Variants in TBX4 observed in about 807,000 individuals in gnomAD.
TBX4 encodes T-box transcription factor TBX4.
A neutral mutation model predicts 54.6 loss-of-function variants in TBX4; 13 were observed. The ratio of observed to expected loss-of-function variants is 0.24; its 90% CI spans 0.15 to 0.38. The LOEUF (loss-of-function observed/expected upper bound fraction) is 0.38. Ranked by LOEUF, TBX4 falls within the 10% of genes least tolerant of loss-of-function variation. TBX4 has a pLI of 1.00. For missense variants in TBX4, 631 were observed against 728.5 expected (o/e 0.87, Z 1.54); for synonymous variants, 314 against 306.7 (o/e 1.02, Z -0.25).
chr17:61,463,257 A>C (rs1701683161), intron 3 of TBX4: 1 of 152,410 alleles, frequency 6.6e-6, no homozygotes, highest in Admixed American at 6.5e-5. Flanking sequence ...AGGCCACAGC[A>C]GAGGGCTTTT....
chr17:61,467,114 A>G (rs529131710), intron 4 of TBX4, among the ~76,000 whole-genome samples: 21 of 152,200 alleles, frequency 1.4e-4, no homozygotes, highest in Non-Finnish European at 2.8e-4. Context: ...AGCTATGATC[A>G]TACCACTAGC....
chr17:61,479,732 C>T lies in TBX4; in HGVS notation c.703-149C>T. The T allele has an allele frequency of 1.2e-6, 1 of 827,578 alleles. No homozygotes were observed. Among genetic ancestry groups the T allele is most frequent in the Non-Finnish European group, 2.0e-6 (1 of 490,882 alleles). The allele number at this position is 827,578 out of a possible 1,614,324, so 51.3% of individuals were successfully genotyped here. A position where few individuals can be genotyped will look rare whatever the true frequency, so the allele number is the denominator to read the frequency against. On this transcript the variant is annotated intron_variant, in intron 6 of 8. Transcript: ENST00000644296. This position sits in a 1 kb window ranked among gnomAD's most constrained non-coding sequence, Gnocchi z 6.1. ...CAGAGGCCAGTCCAGTCCCACCCTCCTCCCCAAGGAGGGTAGTGAGAAGCG... is the reference window on the plus strand; with the variant it reads ...CAGAGGCCAGTCCAGTCCCACCCTCTTCCCCAAGGAGGGTAGTGAGAAGCG...
In TBX4 at chr17:61,478,923, C is replaced by A; in HGVS notation, c.702+144C>A. On this transcript the variant is annotated intron_variant, in intron 6 of 8. Transcript: ENST00000644296. This position sits in a 1 kb window ranked among gnomAD's most constrained non-coding sequence, Gnocchi z 7.4. ...GCAGGGACCTCAGAAGCCTAGAGTCCCTCGGAGCCGCGAGCAAATCGAATG... is the reference window on the plus strand; with the variant it reads ...GCAGGGACCTCAGAAGCCTAGAGTCACTCGGAGCCGCGAGCAAATCGAATG... The A allele has an allele frequency of 7.8e-7, 1 of 1,285,684 alleles. No homozygotes were observed. The highest frequency in any genetic ancestry group is 1.1e-6 in the Non-Finnish European group (1 of 897,774). 79.6% of individuals were successfully genotyped at this position (1,285,684 alleles called of 1,614,324 possible). A position where few individuals can be genotyped will look rare whatever the true frequency, so the allele number is the denominator to read the frequency against.
In TBX4 at chr17:61,466,005, G is replaced by A. The variant is rs977788221; in HGVS notation, c.401+67G>A. ...CCCACTTGCCACGCCCCCACCTAGT[G>A]TTTTGTCCGGGGGATTTCTTAGCTA... On this transcript the variant is annotated intron_variant, in intron 4 of 8. Transcript: ENST00000644296. 1.0e-5 allele frequency: 16 copies of A among 1,605,580 alleles called. No homozygotes were observed. In the South Asian group the frequency reaches 1.3e-4, roughly 13 times the overall value.
At chr17:61,471,122 A>G (rs988038482) in intron 5 of TBX4, among the ~76,000 whole-genome samples, 3 of 152,210 alleles carry the variant, frequency 2.0e-5, no homozygotes, top group Admixed American at 6.5e-5. Flanking sequence ...AGTAGCACGC[A>G]TTAGTCCCCT....
chr17:61,460,853 G>A lies in TBX4; in HGVS notation c.281+3222G>A, dbSNP rs576162124. Among the ~76,000 whole-genome samples, 1 of 152,312 alleles carries A rather than the reference G, an allele frequency of 6.6e-6. No individual in the cohort carries two copies. The highest frequency in any genetic ancestry group is 6.5e-5 in the Admixed American group (1 of 15,300). ...ACTATCAGCCTTCATAGCCTGTTGA[G>A]TTCAATGTTGCTTGTGTTAGTGACA... is the stretch of plus-strand genomic sequence containing the variant. On this transcript the variant is annotated intron_variant, in intron 3 of 8. Transcript: ENST00000644296. This position sits in a 1 kb window ranked among gnomAD's most constrained non-coding sequence, Gnocchi z 4.4.
Position 61,474,613 on chromosome 17 carries a change from A to G in TBX4, c.550-4014A>G, listed in dbSNP as rs1165083569. ...GCGCAATTGCAGTTGTTAAAATAGAACAGGCTTCTGAATTGTGGCCAGAAC... is the reference window on the plus strand; with the variant it reads ...GCGCAATTGCAGTTGTTAAAATAGAGCAGGCTTCTGAATTGTGGCCAGAAC... On this transcript the variant is annotated intron_variant, in intron 5 of 8. Coordinates refer to ENST00000644296, the MANE Select transcript of TBX4 (RefSeq NM_001321120.2). This position sits in a 1 kb window ranked among gnomAD's most constrained non-coding sequence, Gnocchi z 4.6. Among the ~76,000 whole-genome samples, 8 of 152,354 alleles carry G rather than the reference A, an allele frequency of 5.3e-5. No individual in the cohort carries two copies. The East Asian group carries it at 1.3e-3, about 26-fold the overall frequency.
intron 1 of TBX4, among the ~76,000 whole-genome samples, chr17:61,455,595 GGCT>G (rs2060441913): frequency 6.6e-6 from 1 of 152,258 alleles, no homozygotes; most frequent in Non-Finnish European, 1.5e-5. Flanking sequence ...TGCCAGGCAG[GGCT>G]AAGCGGTTCC....
At position 61,465,680 on chromosome 17, in the gene TBX4, TCA is replaced by T; in HGVS notation, c.282-134_282-133del. 6.1e-6 allele frequency: 7 copies of T among 1,140,626 alleles called. No homozygotes were observed. The East Asian group carries it at 1.2e-4, about 20-fold the overall frequency. 70.7% of individuals were successfully genotyped at this position (1,140,626 alleles called of 1,614,324 possible). A position where few individuals can be genotyped will look rare whatever the true frequency, so the allele number is the denominator to read the frequency against. ...CAGAGGGGGAAGTGAGTTGTGCAGG[TCA>T]CACAGCTGTGACCAATGCCAGGATC... On this transcript the variant is annotated intron_variant, in intron 3 of 8. Coordinates refer to ENST00000644296, the MANE Select transcript of TBX4 (RefSeq NM_001321120.2). This position sits in a 1 kb window ranked among gnomAD's most constrained non-coding sequence, Gnocchi z 4.9.
Position 61,480,144 on chromosome 17 carries a change from C to T in TBX4, c.846C>T (p.Pro282=), listed in dbSNP as rs769106353. 1.9e-6 allele frequency: 3 copies of T among 1,614,062 alleles called. No individual in the cohort carries two copies. The highest frequency in any genetic ancestry group is 2.5e-6 in the Non-Finnish European group (3 of 1,180,032). The change falls in exon 8 of 9, where the codon CCC becomes CCT. Residue 282 remains proline, a synonymous_variant. Coordinates refer to ENST00000644296, the MANE Select transcript of TBX4 (RefSeq NM_001321120.2). The surrounding 1 kb of genome is among the most constrained non-coding windows in gnomAD (Gnocchi z 6.2). ...TCATGAGGCAGAGGCTCATCTCCCCCCAGCTCTCAGCCACACCGGACGTGG... is the reference window on the plus strand; with the variant it reads ...TCATGAGGCAGAGGCTCATCTCCCCTCAGCTCTCAGCCACACCGGACGTGG... ...KSIMRQRLIS[P]QLSATPDVGP...
In TBX4 at chr17:61,481,724, A is replaced by C. The variant is rs2060664452; in HGVS notation, c.1022-1173A>C. ...ATGAATCCCTGGAGAAAACAGGAGG[A>C]GGGAGGCCAAGATGAGCCATGGATG... On this transcript the variant is annotated intron_variant, in intron 8 of 8. Transcript: ENST00000644296. The surrounding 1 kb of genome is among the most constrained non-coding windows in gnomAD (Gnocchi z 4.8). The C allele has an allele frequency of 6.6e-6, 1 of 152,300 alleles. No homozygotes were observed. The highest frequency in any genetic ancestry group is 1.5e-5 in the Non-Finnish European group (1 of 68,136). 9.4% of individuals were successfully genotyped at this position (152,300 alleles called of 1,614,324 possible).
Position 61,478,598 on chromosome 17 carries a change from G to A in TBX4, c.550-29G>A, listed in dbSNP as rs1457033080. On this transcript the variant is annotated intron_variant, in intron 5 of 8. Transcript: ENST00000644296. This position sits in a 1 kb window ranked among gnomAD's most constrained non-coding sequence, Gnocchi z 7.4. ...CCTGGGGCTTGCGGATGGGGACCTG[G>A]AGCTCAGCATGAGACCCTTCTCTTC... is the stretch of plus-strand genomic sequence containing the variant. 2 of 1,614,160 alleles carry A rather than the reference G, an allele frequency of 1.2e-6. No individual in the cohort carries two copies. The highest frequency in any genetic ancestry group is 1.1e-5 in the South Asian group (1 of 91,078).
rs183400933 is a variant in TBX4, at chr17:61,472,309, G to C, written c.549+4652G>C. On this transcript the variant is annotated intron_variant, in intron 5 of 8. Transcript: ENST00000644296. This position sits in a 1 kb window ranked among gnomAD's most constrained non-coding sequence, Gnocchi z 4.5. ...ACCACTGCTGTGGCCTTACCAATAAGGGCGGGAGAGCAAACTTGTGGATTT... is the reference window on the plus strand; with the variant it reads ...ACCACTGCTGTGGCCTTACCAATAACGGCGGGAGAGCAAACTTGTGGATTT... 6.6e-6 allele frequency among the ~76,000 whole-genome samples: 1 copy of C among 152,214 alleles called. No individual in the cohort carries two copies. Among genetic ancestry groups the C allele is most frequent in the Non-Finnish European group, 1.5e-5 (1 of 68,040 alleles).
Position 61,480,820 on chromosome 17 carries a change from T to C in TBX4, c.1021+501T>C, listed in dbSNP as rs949041542. On this transcript the variant is annotated intron_variant, in intron 8 of 8. Coordinates refer to ENST00000644296, the MANE Select transcript of TBX4 (RefSeq NM_001321120.2). The surrounding 1 kb of genome is among the most constrained non-coding windows in gnomAD (Gnocchi z 6.2). ...GCTGCTTGAGAGTTGAGATGAGCTATTGTGGATGTAGGTGGGGGCTGGGAA... is the reference window on the plus strand; with the variant it reads ...GCTGCTTGAGAGTTGAGATGAGCTACTGTGGATGTAGGTGGGGGCTGGGAA... 9.2e-5 allele frequency among the ~76,000 whole-genome samples: 14 copies of C among 152,120 alleles called. No individual in the cohort carries two copies. The highest frequency in any genetic ancestry group is 7.9e-4 in the Admixed American group (12 of 15,258).
In TBX4 at chr17:61,479,634, G is replaced by A. The variant is rs1417934738; in HGVS notation, c.703-247G>A. Among the ~76,000 whole-genome samples the A allele has an allele frequency of 6.6e-6, 1 of 152,246 alleles. No homozygotes were observed. The highest frequency in any genetic ancestry group is 1.9e-4 in the East Asian group (1 of 5,160). ...GTAGGGAGCCAGGGACAAACCAGGT[G>A]TGAATGGCAAGGCCCACTTCCCCAG... On this transcript the variant is annotated intron_variant, in intron 6 of 8. Transcript: ENST00000644296. The surrounding 1 kb of genome is among the most constrained non-coding windows in gnomAD (Gnocchi z 6.1).
rs2060435091 is a variant in TBX4, at chr17:61,454,805, A to G, written c.-3-1683A>G. ...ACGGCTCCGGGTGTGACAAGAGCCCAGCAGAGGACCCCATGGCCATGCGGG... is the reference window on the plus strand; with the variant it reads ...ACGGCTCCGGGTGTGACAAGAGCCCGGCAGAGGACCCCATGGCCATGCGGG... On this transcript the variant is annotated intron_variant, in intron 1 of 8. Coordinates refer to ENST00000644296, the MANE Select transcript of TBX4 (RefSeq NM_001321120.2). Among the ~76,000 whole-genome samples, 3 of 152,316 alleles carry G rather than the reference A, an allele frequency of 2.0e-5. No individual in the cohort carries two copies. In the South Asian group the frequency reaches 6.2e-4, roughly 32 times the overall value.
At chr17:61,456,732 G>A in intron 2 of TBX4, 56 bp downstream of exon 2, 6 of 1,276,324 alleles carry the variant, frequency 4.7e-6, no homozygotes, top group South Asian at 2.0e-5. Flanking sequence ...CTGCGGGGCC[G>A]CCTGTGTCCG....
At chr17:61,467,686 AGGCAAGTCTGG>A (rs1453955805) in intron 5 of TBX4, 29 bp downstream of exon 5, 5 of 1,613,636 alleles carry the variant, frequency 3.1e-6, no homozygotes, top group Non-Finnish European at 4.2e-6. Flanking sequence ...TGGCCCCAGG[AGGCAAGTCTGG>A]GGCAGTTTTA....
rs1247587532 is a variant in TBX4 at position 61,462,876 on chromosome 17, AGCCTGGCCTCTGTC to A, written c.282-2937_282-2924del. On this transcript the variant is annotated intron_variant, in intron 3 of 8. Transcript: ENST00000644296. This position sits in a 1 kb window ranked among gnomAD's most constrained non-coding sequence, Gnocchi z 4.5. ...ACAGGAAGTCACAGCTCCCAAACCC[AGCCTGGCCTCTGTC>A]GCCTGAGGCATGCCACGCTGGGGAA... 1.3e-5 allele frequency: 2 copies of A among 152,368 alleles called. No homozygotes were observed. The highest frequency in any genetic ancestry group is 4.8e-5 in the African/African-American group (2 of 41,480). The allele number at this position is 152,368 out of a possible 1,614,324, so 9.4% of individuals were successfully genotyped here.
Sources: allele counts gnomAD v4.1 joint callset (sites outside exome capture counted in the v4.1 genomes callset), GRCh38; gene constraint gnomAD v4.1.1; non-coding constraint Gnocchi (gnomAD v3.1); transcripts MANE v1.5; gene names NCBI Gene and HGNC (gene_info 2026-07-23, HGNC 2026-07-21).